KIF26B: variants seen among roughly 807,000 people sequenced by gnomAD.
The protein encoded by KIF26B is kinesin-like protein KIF26B.
In KIF26B, 63 loss-of-function variants were observed where a neutral mutation model predicts 151.2. The observed-to-expected ratio is 0.42, with a 90% confidence interval of 0.34 to 0.51. The LOEUF (loss-of-function observed/expected upper bound fraction) is 0.51. Ranked by LOEUF, KIF26B falls within the 20% of genes least tolerant of loss-of-function variation. The pLI is 0.07. For synonymous variants in KIF26B, 1,357 were observed against 1,262.1 expected, an observed-to-expected ratio of 1.08 and a Z score of -1.59; for missense variants, 2,813 against 2,913.6, an observed-to-expected ratio of 0.97 and a Z score of 0.79.
rs919274964 is a variant in KIF26B, at chr1:245,526,672, C to T, written c.1167-14095C>T. Among the ~76,000 whole-genome samples the T allele has an allele frequency of 2.6e-5, 4 of 152,216 alleles. No individual in the cohort carries two copies. The East Asian group carries it at 7.7e-4, about 29-fold the overall frequency. On this transcript the variant is annotated intron_variant, in intron 4 of 14. Coordinates refer to ENST00000407071, the MANE Select transcript of KIF26B (RefSeq NM_018012.4). The stretch of plus-strand genomic sequence containing the variant: ...GCGTTGACAATTAATTAGCTTTGCT[C>T]TGAAAGAGCTACAGGTACCCAGCAA...
chr1:245,649,303 C>G (rs1029526233), intron 10 of KIF26B, among the ~76,000 whole-genome samples: 11 of 152,206 alleles, frequency 7.2e-5, no homozygotes, highest in Non-Finnish European at 2.9e-5. Flanking sequence ...CAGTGGGTGG[C>G]AGGATCAAAC....
intron 10 of KIF26B, among the ~76,000 whole-genome samples, chr1:245,683,977 A>T (rs1019180040): frequency 1.3e-5 from 2 of 152,220 alleles, no homozygotes; most frequent in African/African-American, 4.8e-5. Context: ...GCCCAGGAAC[A>T]TCCCATCACA....
At chr1:245,275,735 C>G (rs1670925495) in intron 2 of KIF26B, among the ~76,000 whole-genome samples, 2 of 152,166 alleles carry the variant, frequency 1.3e-5, no homozygotes, top group African/African-American at 2.4e-5. Flanking sequence ...ATATGTTTAC[C>G]TTTGGTAGTG....
intron 2 of KIF26B, among the ~76,000 whole-genome samples, chr1:245,221,377 TAA>T (rs74163026): frequency 0.55 from 72,276 of 131,820 alleles, 20,847 homozygotes; most frequent in Non-Finnish European, 0.65. Context: ...AAGTTTGAAG[TAA>T]AAAAAAAAAA....
At position 245,601,161 on chromosome 1, in the gene KIF26B, C is replaced by T. The variant is rs937993415; in HGVS notation, c.1351-1416C>T. On this transcript the variant is annotated intron_variant, in intron 5 of 14. Coordinates refer to ENST00000407071, the MANE Select transcript of KIF26B (RefSeq NM_018012.4). The surrounding 1 kb of genome is among the most constrained non-coding windows in gnomAD (Gnocchi z 4.4). ...GATCTAAACCCTCAGAGGTAGAGTGCGTCCCACACTCGGGCTCCTTCTACT... is the reference window on the plus strand; with the variant it reads ...GATCTAAACCCTCAGAGGTAGAGTGTGTCCCACACTCGGGCTCCTTCTACT... 2.0e-5 allele frequency among the ~76,000 whole-genome samples: 3 copies of T among 152,184 alleles called. No homozygotes were observed. Among genetic ancestry groups the T allele is most frequent in the Non-Finnish European group, 4.4e-5 (3 of 68,034 alleles).
At chr1:245,621,959 TTC>T (rs1363620853) in intron 9 of KIF26B, among the ~76,000 whole-genome samples, 2 of 152,256 alleles carry the variant, frequency 1.3e-5, no homozygotes, top group African/African-American at 2.4e-5. Flanking sequence ...TGTTCTTGTG[TTC>T]TGTTTTACTA....
chr1:245,686,372 G>T lies in KIF26B; in HGVS notation c.3389G>T (p.Gly1130Val). 1 of 1,613,412 alleles carries T rather than the reference G, an allele frequency of 6.2e-7. No homozygotes were observed. Among genetic ancestry groups the T allele is most frequent in the African/African-American group, 1.3e-5 (1 of 75,058 alleles). ...LQPEVRTPPV[G>V]MSPQVLKKSM... The stretch of plus-strand genomic sequence containing the variant: ...CCCGAGGTGCGTACGCCCCCGGTTG[G>T]AATGAGCCCCCAGGTTTTGAAAAAA... The change falls in exon 12 of 15, where the codon GGA becomes GTA. Residue 1130 changes from glycine (G) to valine (V), a missense_variant. Transcript: ENST00000407071. The surrounding 1 kb of genome is among the most constrained non-coding windows in gnomAD (Gnocchi z 5.6).
chr1:245,632,030 G>A (rs1029585715), intron 9 of KIF26B, among the ~76,000 whole-genome samples: 2 of 151,868 alleles, frequency 1.3e-5, no homozygotes, highest in Admixed American at 1.3e-4. Context: ...ATTTTTGTGT[G>A]TGTGTGTGTT....
chr1:245,385,314 C>A (rs1354234990), intron 3 of KIF26B, among the ~76,000 whole-genome samples: 1 of 152,148 alleles, frequency 6.6e-6, no homozygotes, highest in Non-Finnish European at 1.5e-5. Context: ...GAAAATAGAC[C>A]AGTGCAACAT....
At chr1:245,571,194 T>C (rs1399078234) in intron 5 of KIF26B, among the ~76,000 whole-genome samples, 1 of 152,226 alleles carries the variant, frequency 6.6e-6, no homozygotes, top group African/African-American at 2.4e-5. Context: ...TGGAAAGCCC[T>C]GTACTTGCCT....
intron 4 of KIF26B, among the ~76,000 whole-genome samples, chr1:245,533,951 T>G (rs1039301661): frequency 6.6e-6 from 1 of 152,164 alleles, no homozygotes; most frequent in Non-Finnish European, 1.5e-5. Flanking sequence ...AACCATCCTA[T>G]GTGAAGTTCA....
intron 4 of KIF26B, among the ~76,000 whole-genome samples, chr1:245,464,628 A>G (rs1164797323): frequency 1.0e-5 from 1 of 97,866 alleles, no homozygotes; most frequent in African/African-American, 4.1e-5. Flanking sequence ...GGGTGTGTGC[A>G]TGTTTGGCAC....
Position 245,687,049 on chromosome 1 carries a change from C to T in KIF26B, c.4066C>T (p.Pro1356Ser), listed in dbSNP as rs370469143. The T allele has an allele frequency of 2.9e-5, 46 of 1,613,268 alleles. No individual in the cohort carries two copies. The highest frequency in any genetic ancestry group is 1.6e-4 in the Middle Eastern group (1 of 6,084). The change falls in exon 12 of 15, where the codon CCC becomes TCC. Residue 1356 changes from proline to serine, a missense_variant. Pro to Ser is a moderately conservative substitution (Grantham distance 74). Around this residue, in one of 3 missense-constraint regions of KIF26B, gnomAD observed 2,060 missense variants for 2,088.6 expected, o/e 0.99. Transcript: ENST00000407071. The surrounding 1 kb of genome is among the most constrained non-coding windows in gnomAD (Gnocchi z 4.9). Reference protein sequence around the residue: ...MGDDSFNKAAPIKGCKISTVS... With the variant: ...MGDDSFNKAASIKGCKISTVS... ...AGATGACTCTTTCAACAAAGCAGCC[C>T]CCATCAAAGGCTGCAAAATATCCAC...
intron 3 of KIF26B, among the ~76,000 whole-genome samples, chr1:245,403,022 G>A (rs1674044365): frequency 6.6e-6 from 1 of 152,202 alleles, no homozygotes; most frequent in African/African-American, 2.4e-5. Flanking sequence ...ATGCTGGAGT[G>A]CAGAGGTGCA....
chr1:245,408,713 G>T (rs1674200116), intron 3 of KIF26B, among the ~76,000 whole-genome samples: 1 of 151,876 alleles, frequency 6.6e-6, no homozygotes. Flanking sequence ...TTCTGAAGAG[G>T]GTGGCTCTAC....
chr1:245,491,278 T>G (rs961804520), intron 4 of KIF26B, among the ~76,000 whole-genome samples: 2 of 152,216 alleles, frequency 1.3e-5, no homozygotes, highest in East Asian at 1.9e-4. Flanking sequence ...CATCAGTATT[T>G]TCGTATTTCT....
In KIF26B at chr1:245,609,638, G is replaced by A. The variant is rs192299445; in HGVS notation, c.1914+110G>A. The A allele has an allele frequency of 9.4e-3, 11,486 of 1,222,358 alleles. 82 individuals are homozygous for A. Among genetic ancestry groups the A allele is most frequent in the Non-Finnish European group, 0.01 (9,305 of 916,526 alleles). The allele number at this position is 1,222,358 out of a possible 1,614,324, so 75.7% of individuals were successfully genotyped here. Reference sequence around the variant, plus strand: ...AACCTGTAAACTCAGAGGCTTACGGGTGTTTACTTTAAAGTGGACTGGAAC... The same window carrying A: ...AACCTGTAAACTCAGAGGCTTACGGATGTTTACTTTAAAGTGGACTGGAAC... On this transcript the variant is annotated intron_variant, in intron 8 of 14. Transcript: ENST00000407071.
intron 5 of KIF26B, among the ~76,000 whole-genome samples, chr1:245,542,416 C>G (rs1661645119): frequency 6.6e-6 from 1 of 152,204 alleles, no homozygotes; most frequent in Non-Finnish European, 1.5e-5. Context: ...TGGAGCTTTC[C>G]TTGGTGGTGG....
chr1:245,389,752 A>T (rs993715136), intron 3 of KIF26B, among the ~76,000 whole-genome samples: 1 of 152,220 alleles, frequency 6.6e-6, no homozygotes, highest in Non-Finnish European at 1.5e-5. Context: ...GTACATGCGC[A>T]TAATTTAAAG....
Sources: gnomAD v4.1 joint callset for allele counts (sites outside exome capture counted in the v4.1 genomes callset) on GRCh38, gnomAD v4.1.1 for gene constraint, gnomAD v4.1.1 regional missense constraint, Gnocchi (gnomAD v3.1) non-coding constraint, MANE v1.5 for transcripts, NCBI Gene and HGNC (gene_info 2026-07-23, HGNC 2026-07-21) for gene names.